Variants in WDPCP observed in about 807,000 individuals in gnomAD.
WDPCP encodes the protein WD repeat-containing and planar cell polarity effector protein fritz homolog.
In WDPCP, 71 loss-of-function variants were observed where a neutral mutation model predicts 93.1. The observed-to-expected ratio is 0.76, with a 90% CI of 0.63 to 0.93. The LOEUF (loss-of-function observed/expected upper bound fraction) is 0.93, where lower values mean the gene tolerates loss of function less well. Among genes scored for constraint, WDPCP ranks in the 40% least tolerant of loss-of-function variants. The pLI is 0.00. For missense variants in WDPCP, 844 were observed against 887.4 expected (o/e 0.95, Z 0.62); for synonymous variants, 315 against 315.0 (o/e 1.00, Z 0.00).
chr2:63,499,746 A>G (rs947593584), intron 1 of WDPCP, among the ~76,000 whole-genome samples: 3 of 152,182 alleles, frequency 2.0e-5, no homozygotes, highest in Non-Finnish European at 4.4e-5. Flanking sequence ...GTGACCATCA[A>G]TGGATGGGGA....
At chr2:63,547,746 G>GAA (rs398060231) in intron 1 of WDPCP, among the ~76,000 whole-genome samples, 26 of 113,720 alleles carry the variant, frequency 2.3e-4, no homozygotes, top group African/African-American at 7.0e-4. Flanking sequence ...GGTAGAAAAA[G>GAA]AAAAAAAAAA....
At chr2:63,774,222 A>G (rs1670270380) in intron 2 of WDPCP, among the ~76,000 whole-genome samples, 1 of 152,174 alleles carries the variant, frequency 6.6e-6, no homozygotes, top group Non-Finnish European at 1.5e-5. Context: ...ATCTAATAAC[A>G]AAAGTTTATG....
At chr2:63,297,179 G>T (rs1231707128) in intron 13 of WDPCP, among the ~76,000 whole-genome samples, 4 of 152,294 alleles carry the variant, frequency 2.6e-5, no homozygotes, top group Non-Finnish European at 5.9e-5. Flanking sequence ...AGTTGGACAG[G>T]AGAACTGTTA....
Position 63,797,249 on chromosome 2 carries a change from A to G in WDPCP, n.308+16373T>C, listed in dbSNP as rs139113974. Reference sequence around the variant, plus strand: ...GCTGTGCTGGCTTCAGGTGTAACCCAGAATATTCCCAGCTGCAGTTCCTAC... The same window carrying G: ...GCTGTGCTGGCTTCAGGTGTAACCCGGAATATTCCCAGCTGCAGTTCCTAC... On this transcript the variant is annotated intron_variant and non_coding_transcript_variant, in intron 2 of 4. Coordinates refer to the WDPCP transcript ENST00000467687. 5.0e-3 allele frequency among the ~76,000 whole-genome samples: 755 copies of G among 152,264 alleles called. 7 individuals are homozygous for G. The highest frequency in any genetic ancestry group is 0.017 in the African/African-American group (722 of 41,550).
intron 13 of WDPCP, among the ~76,000 whole-genome samples, chr2:63,289,707 A>G (rs1684259350): frequency 6.6e-6 from 1 of 151,894 alleles, no homozygotes; most frequent in Non-Finnish European, 1.5e-5. Context: ...TATATTCATG[A>G]TTTTTTGACA....
At chr2:63,675,530 G>A (rs1431820323) in intron 2 of WDPCP, among the ~76,000 whole-genome samples, 2 of 151,962 alleles carry the variant, frequency 1.3e-5, no homozygotes, top group African/African-American at 4.8e-5. Flanking sequence ...GGGGTAGGGG[G>A]GTGGCAAGGG....
At chr2:63,469,812 T>A (rs1256141567) in intron 6 of WDPCP, among the ~76,000 whole-genome samples, 3 of 152,152 alleles carry the variant, frequency 2.0e-5, no homozygotes, top group African/African-American at 7.2e-5. Flanking sequence ...CATATTTACC[T>A]ATATAACAAA....
At chr2:63,832,432 G>T (rs780637276), upstream of WDPCP, among the ~76,000 whole-genome samples, 1 of 151,722 alleles carries the variant, frequency 6.6e-6, no homozygotes, top group Non-Finnish European at 1.5e-5. Flanking sequence ...GTTGGGGTGG[G>T]GGGGGGAAAT....
intron 1 of WDPCP, among the ~76,000 whole-genome samples, chr2:63,566,543 G>A (rs550821877): frequency 6.6e-5 from 10 of 152,162 alleles, no homozygotes; most frequent in Non-Finnish European, 7.3e-5. Flanking sequence ...TGTCACAGGC[G>A]CGTCCTCAAC....
At position 63,570,529 on chromosome 2, in the gene WDPCP, C is replaced by G. The variant is rs552595741; in HGVS notation, c.75+17668G>C. ...GAAGGGCTAAGTGACAAAATAAAGC[C>G]AAGGGATGATGAACTTGGGATAGGT... On this transcript the variant is annotated intron_variant, in intron 1 of 17. Coordinates refer to ENST00000272321, the MANE Select transcript of WDPCP (RefSeq NM_015910.7). Among the ~76,000 whole-genome samples, 110 of 152,158 alleles carry G rather than the reference C, an allele frequency of 7.2e-4. 1 individual carries two copies. The South Asian group carries it at 8.5e-3, about 12-fold the overall frequency.
intron 1 of WDPCP, chr2:63,813,784 C>T (rs1352707641): frequency 2.6e-5 from 4 of 152,126 alleles, no homozygotes; most frequent in Non-Finnish European, 5.9e-5. Context: ...TATATAAAGC[C>T]ATTCCTTATT....
chr2:63,761,027 C>A (rs189508963), intron 2 of WDPCP, among the ~76,000 whole-genome samples: 5 of 152,314 alleles, frequency 3.3e-5, no homozygotes, highest in African/African-American at 1.2e-4. Flanking sequence ...CCCTCTTCTC[C>A]CTCAAGGGAG....
At chr2:63,539,830 G>A (rs761017532) in intron 1 of WDPCP, among the ~76,000 whole-genome samples, 4 of 152,020 alleles carry the variant, frequency 2.6e-5, no homozygotes, top group Non-Finnish European at 5.9e-5. Context: ...ATTAAGTATT[G>A]CCATTTATTT....
At chr2:63,663,677 A>G (rs1435644219) in intron 2 of WDPCP, among the ~76,000 whole-genome samples, 4 of 152,252 alleles carry the variant, frequency 2.6e-5, no homozygotes, top group Non-Finnish European at 5.9e-5. Flanking sequence ...GGCAGAGTTC[A>G]TGGTGAATTC....
At chr2:63,623,493 C>G (rs947175627) in intron 3 of WDPCP, among the ~76,000 whole-genome samples, 4 of 150,358 alleles carry the variant, frequency 2.7e-5, no homozygotes, top group African/African-American at 9.8e-5. Context: ...GAATATTTAC[C>G]AAGCAAATGG....
chr2:63,819,848 T>A (rs1050323686), intron 1 of WDPCP, among the ~76,000 whole-genome samples: 2 of 152,144 alleles, frequency 1.3e-5, no homozygotes, highest in African/African-American at 4.8e-5. Flanking sequence ...GGCCCCCTTT[T>A]CCTCTTAGAC....
intron 6 of WDPCP, among the ~76,000 whole-genome samples, chr2:63,449,893 G>A (rs114231952): frequency 6.6e-6 from 1 of 152,258 alleles, no homozygotes; most frequent in Non-Finnish European, 1.5e-5. Context: ...ACATCCCAGT[G>A]TCCACTCAGA....
At chr2:63,494,616 T>C (rs543058519) in intron 1 of WDPCP, among the ~76,000 whole-genome samples, 1 of 152,040 alleles carries the variant, frequency 6.6e-6, no homozygotes, top group Admixed American at 6.5e-5. Flanking sequence ...TACAGATGTT[T>C]GAGTAAAAAG....
chr2:63,224,453 A>G (rs546553690), intron 14 of WDPCP, among the ~76,000 whole-genome samples: 1 of 152,224 alleles, frequency 6.6e-6, no homozygotes, highest in South Asian at 2.1e-4. Context: ...TATTTATCAT[A>G]GCTTTATTCA....
Sources: gnomAD v4.1 joint callset for allele counts (sites outside exome capture counted in the v4.1 genomes callset) on GRCh38, gnomAD v4.1.1 for gene constraint, MANE v1.5 for transcripts, NCBI Gene and HGNC (gene_info 2026-07-23, HGNC 2026-07-21) for gene names.